The following GNG7 variants were observed in gnomAD, a reference collection of about 807,000 sequenced individuals.
The protein encoded by GNG7 is G protein subunit gamma 7.
A neutral mutation model predicts 4.0 loss-of-function variants in GNG7; 1 was observed. That is an observed-to-expected ratio of 0.25 (90% confidence interval 0.09 to 1.18). The LOEUF (loss-of-function observed/expected upper bound fraction) is 1.18, where lower values mean the gene tolerates loss of function less well. Ranked by LOEUF, GNG7 falls within the 50% of genes most tolerant of loss-of-function variation. GNG7 has a pLI of 0.50. For missense variants in GNG7, 86 were observed against 91.9 expected (o/e 0.94, Z 0.26); for synonymous variants, 34 against 36.9 (o/e 0.92, Z 0.29).
At chr19:2,651,245 T>TTTCCTTCCTTCCTTCCTTCC (rs1229197006) in intron 1 of GNG7, among the ~76,000 whole-genome samples, 3 of 87,108 alleles carry the variant, frequency 3.4e-5, no homozygotes, top group African/African-American at 1.1e-4. Context: ...CCTTCCTTCC[T>TTTCCTTCCTTCCTTCCTTCC]TTCCTTCCTT....
chr19:2,699,719 G>A (rs981450589), intron 1 of GNG7, among the ~76,000 whole-genome samples: 3 of 152,226 alleles, frequency 2.0e-5, no homozygotes, highest in Non-Finnish European at 2.9e-5. Flanking sequence ...TCCTGGTGTG[G>A]AGTGGGTGGA....
chr19:2,522,580 C>G (rs1485440378), intron 3 of GNG7, among the ~76,000 whole-genome samples: 1 of 151,614 alleles, frequency 6.6e-6, no homozygotes, highest in African/African-American at 2.4e-5. Flanking sequence ...CAAGACCATC[C>G]TGGCTAACAC....
intron 3 of GNG7, among the ~76,000 whole-genome samples, chr19:2,523,663 G>A (rs918439390): frequency 6.6e-5 from 10 of 152,220 alleles, no homozygotes; most frequent in South Asian, 2.1e-4. Flanking sequence ...TGAATACTGT[G>A]GAACCTGAGT....
intron 3 of GNG7, among the ~76,000 whole-genome samples, chr19:2,524,467 T>C (rs1978332426): frequency 6.6e-6 from 1 of 152,218 alleles, no homozygotes; most frequent in South Asian, 2.1e-4. Flanking sequence ...ACCTTGCGTG[T>C]GCATGTATGT....
intron 1 of GNG7, among the ~76,000 whole-genome samples, chr19:2,699,722 T>C (rs1015537755): frequency 1.3e-5 from 2 of 151,992 alleles, no homozygotes; most frequent in Non-Finnish European, 2.9e-5. Flanking sequence ...TGGTGTGGAG[T>C]GGGTGGAGGT....
intron 1 of GNG7, among the ~76,000 whole-genome samples, chr19:2,697,364 A>G (rs1046089816): frequency 1.3e-5 from 2 of 152,114 alleles, no homozygotes; most frequent in Non-Finnish European, 2.9e-5. Flanking sequence ...GCAACCACAC[A>G]GAGAGAGCGT....
intron 1 of GNG7, among the ~76,000 whole-genome samples, chr19:2,657,188 G>A (rs1476369105): frequency 1.3e-5 from 2 of 149,272 alleles, no homozygotes; most frequent in South Asian, 4.3e-4. Context: ...ACAAAAATTA[G>A]TTGGGTCTGG....
intron 2 of GNG7, among the ~76,000 whole-genome samples, chr19:2,571,588 CT>C (rs779497111): frequency 0.026 from 1,749 of 67,948 alleles, 5 homozygotes; most frequent in Non-Finnish European, 0.029. Context: ...CATTTCTTTC[CT>C]TTTTTTTTTT....
At chr19:2,525,970 A>ATT (rs1568231777) in intron 3 of GNG7, among the ~76,000 whole-genome samples, 1 of 26,782 alleles carries the variant, frequency 3.7e-5, no homozygotes, top group African/African-American at 2.9e-4. Context: ...CCTCCACGCC[A>ATT]ATTTTTTTTT....
intron 1 of GNG7, among the ~76,000 whole-genome samples, chr19:2,665,372 G>A (rs1214488379): frequency 1.3e-5 from 2 of 149,132 alleles, no homozygotes; most frequent in Non-Finnish European, 3.0e-5. Flanking sequence ...GGGGGGGGGG[G>A]GGCAGGATCA....
intron 1 of GNG7, among the ~76,000 whole-genome samples, chr19:2,661,870 C>T (rs1983189608): frequency 6.6e-6 from 1 of 152,072 alleles, no homozygotes; most frequent in African/African-American, 2.4e-5. Flanking sequence ...AGCACATTCA[C>T]TGCCAGAATC....
chr19:2,590,027 G>A (rs1980792535), intron 2 of GNG7, among the ~76,000 whole-genome samples: 1 of 152,164 alleles, frequency 6.6e-6, no homozygotes, highest in Admixed American at 6.5e-5. Flanking sequence ...GGCCAGGCTG[G>A]TCTCGAACTC....
intron 2 of GNG7, among the ~76,000 whole-genome samples, chr19:2,636,783 C>T (rs1036448907): frequency 6.6e-6 from 1 of 152,080 alleles, no homozygotes; most frequent in South Asian, 2.1e-4. Context: ...AGGAAGGTAT[C>T]AAGCAAACTG....
chr19:2,527,794 G>T (rs942248501), intron 3 of GNG7, among the ~76,000 whole-genome samples: 2 of 146,492 alleles, frequency 1.4e-5, no homozygotes, highest in African/African-American at 5.2e-5. Flanking sequence ...CCACCAGTGC[G>T]CCCACAGTCA....
chr19:2,641,209 G>T (rs2144855315), intron 2 of GNG7, among the ~76,000 whole-genome samples: 1 of 152,282 alleles, frequency 6.6e-6, no homozygotes, highest in Non-Finnish European at 1.5e-5. Context: ...TCACAGGCAG[G>T]TGAGTGACCA....
At chr19:2,549,773 C>A (rs1275681212) in intron 3 of GNG7, among the ~76,000 whole-genome samples, 1 of 152,150 alleles carries the variant, frequency 6.6e-6, no homozygotes, top group Non-Finnish European at 1.5e-5. Context: ...GGTCAGCCAG[C>A]AGGCCGGGGG....
chr19:2,670,126 GTCTC>G (rs560098954), intron 1 of GNG7, among the ~76,000 whole-genome samples: 4 of 150,332 alleles, frequency 2.7e-5, no homozygotes, highest in East Asian at 1.9e-4. Context: ...GAAACTCTCT[GTCTC>G]TCTCTCTCTC....
intron 2 of GNG7, among the ~76,000 whole-genome samples, chr19:2,602,617 G>C (rs574527468): frequency 5.3e-5 from 8 of 152,372 alleles, no homozygotes; most frequent in East Asian, 3.9e-4. Flanking sequence ...CCCGGAGCAC[G>C]AACCACTACG....
At chr19:2,577,153 T>C (rs1980366282) in intron 2 of GNG7, among the ~76,000 whole-genome samples, 2 of 152,156 alleles carry the variant, frequency 1.3e-5, no homozygotes, top group Admixed American at 1.3e-4. Flanking sequence ...CCAATTGCCA[T>C]CCATGTGGCG....
Sources: allele counts gnomAD v4.1 joint callset (sites outside exome capture counted in the v4.1 genomes callset), GRCh38; gene constraint gnomAD v4.1.1; transcripts MANE v1.5; gene names NCBI Gene and HGNC (gene_info 2026-07-23, HGNC 2026-07-21).